TEX11: variants seen among roughly 807,000 people sequenced by gnomAD.
TEX11 encodes the protein testis expressed 11, also known as testis-expressed protein 11.
In TEX11, 7 loss-of-function variants were observed where a neutral mutation model predicts 84.4. The ratio of observed to expected loss-of-function variants is 0.08; its 90% CI spans 0.05 to 0.16. The LOEUF (loss-of-function observed/expected upper bound fraction) is 0.16. Ranked by LOEUF, TEX11 falls within the 10% of genes least tolerant of loss-of-function variation. The pLI is 1.00. For synonymous variants in TEX11, 264 were observed against 222.8 expected (o/e 1.18, Z -1.64); for missense variants, 551 against 660.5 (o/e 0.83, Z 1.82).
chrX:70,719,963 A>G (rs1165096197), intron 13 of TEX11, among the ~76,000 whole-genome samples: 55 of 111,590 alleles, frequency 4.9e-4, no homozygotes, highest in Middle Eastern at 4.6e-3. Context: ...ACAGTGTGGC[A>G]ATTCCTCAAG....
downstream of TEX11, among the ~76,000 whole-genome samples, chrX:70,528,617 C>T (rs779134648): frequency 5.6e-4 from 62 of 110,532 alleles, no homozygotes; most frequent in African/African-American, 1.9e-3. Flanking sequence ...CAAGCCACTA[C>T]GCCTGGCCTG....
At position 70,901,187 on chromosome X, in the gene TEX11, C is replaced by CTAAA. The variant is rs763715083; in HGVS notation, c.37+6562_37+6565dup. 1.6e-3 allele frequency among the ~76,000 whole-genome samples: 175 copies of CTAAA among 110,545 alleles called. 1 individual carries two copies. Among genetic ancestry groups the CTAAA allele is most frequent in the Non-Finnish European group, 2.5e-3 (132 of 52,863 alleles). ...GCCTGGCAATAGAGTGAGACCTTGT[C>CTAAA]TAAATAAATAAATAAATACTTAAAA... On this transcript the variant is annotated intron_variant, in intron 2 of 29. Coordinates refer to ENST00000374333, the MANE Select transcript of TEX11 (RefSeq NM_031276.3).
chrX:70,719,385 C>T (rs889714331), intron 13 of TEX11, among the ~76,000 whole-genome samples: 8 of 111,923 alleles, frequency 7.1e-5, no homozygotes, highest in Admixed American at 3.8e-4. Flanking sequence ...GACACAGGCA[C>T]TATGTTCAAA....
intron 13 of TEX11, among the ~76,000 whole-genome samples, chrX:70,707,584 TATACC>T (rs920983438): frequency 9.0e-6 from 1 of 111,354 alleles, no homozygotes; most frequent in African/African-American, 3.3e-5. Context: ...TGTTTTTGCC[TATACC>T]ATACATTTCT....
chrX:70,765,887 A>G (rs1181923559), intron 9 of TEX11, among the ~76,000 whole-genome samples: 3 of 112,432 alleles, frequency 2.7e-5, no homozygotes, highest in Non-Finnish European at 1.9e-5. Flanking sequence ...GGAAAAACCT[A>G]AAGACTACAC....
chrX:70,690,065 A>G (rs1404623530), intron 13 of TEX11, among the ~76,000 whole-genome samples: 1 of 111,807 alleles, frequency 8.9e-6, no homozygotes, highest in African/African-American at 3.2e-5. Flanking sequence ...AAAATACTTG[A>G]TGGGTAGTCT....
Position 70,647,673 on chromosome X carries a change from TA to T in TEX11, c.1483+3776del, listed in dbSNP as rs1161069642. ...AGAGTAAGACCTTGCTTCAAAAAAA[TA>T]AAAAATAAAAAAAGGATGTGAGGTA... is the stretch of plus-strand genomic sequence containing the variant. On this transcript the variant is annotated intron_variant, in intron 17 of 29. Transcript: ENST00000374333. Among the ~76,000 whole-genome samples, 614 of 77,491 alleles carry T rather than the reference TA, an allele frequency of 7.9e-3. 3 individuals are homozygous for T. The highest frequency in any genetic ancestry group is 0.029 in the Middle Eastern group (4 of 140). The allele number at this position is 77,491 out of a possible 115,157, so 67.3% of individuals were successfully genotyped here. A position where few individuals can be genotyped will look rare whatever the true frequency, so the allele number is the denominator to read the frequency against.
At chrX:70,576,276 C>A (rs771359764) in intron 25 of TEX11, among the ~76,000 whole-genome samples, 1 of 111,913 alleles carries the variant, frequency 8.9e-6, no homozygotes, top group Non-Finnish European at 1.9e-5. Context: ...TTATGATTCA[C>A]TGGCTTTGTA....
rs1317772856 is a variant in TEX11, at chrX:70,629,003, A to G, written c.1608+608T>C. On this transcript the variant is annotated intron_variant, in intron 18 of 29. Transcript: ENST00000374333. ...TTTTCAGCCATCTTAATCGATTTTCATAACAATCCTGGAGGTAGGCATTAT... is the reference window on the plus strand; with the variant it reads ...TTTTCAGCCATCTTAATCGATTTTCGTAACAATCCTGGAGGTAGGCATTAT... Among the ~76,000 whole-genome samples, 6 of 112,333 alleles carry G rather than the reference A, an allele frequency of 5.3e-5. 1 individual carries two copies. The highest frequency in any genetic ancestry group is 1.1e-4 in the Non-Finnish European group (6 of 53,251).
chrX:70,767,209 T>C (rs766579866), intron 9 of TEX11, among the ~76,000 whole-genome samples: 1 of 111,380 alleles, frequency 9.0e-6, no homozygotes, highest in East Asian at 2.8e-4. Context: ...TGTGTGCAAA[T>C]TACCCATCTA....
At chrX:70,617,434 C>T (rs924725186) in intron 20 of TEX11, among the ~76,000 whole-genome samples, 5 of 104,879 alleles carry the variant, frequency 4.8e-5, no homozygotes, top group Non-Finnish European at 9.7e-5. Context: ...ATATATAATA[C>T]ATATATACAC....
intron 24 of TEX11, among the ~76,000 whole-genome samples, chrX:70,597,184 A>G (rs1005084150): frequency 1.2e-4 from 14 of 112,168 alleles, no homozygotes; most frequent in African/African-American, 4.5e-4. Context: ...TTCCATGTTC[A>G]TGAATCAGAG....
At chrX:70,790,950 T>C (rs896447443) in intron 9 of TEX11, among the ~76,000 whole-genome samples, 2 of 112,504 alleles carry the variant, frequency 1.8e-5, no homozygotes, top group African/African-American at 6.5e-5. Context: ...GTCTTTTTTT[T>C]ATTATTATAC....
intron 10 of TEX11, among the ~76,000 whole-genome samples, chrX:70,743,885 C>A (rs2090750338): frequency 9.3e-6 from 1 of 107,068 alleles, no homozygotes; most frequent in Admixed American, 1.0e-4. Flanking sequence ...CACACACACA[C>A]ACACACACAC....
intron 10 of TEX11, among the ~76,000 whole-genome samples, chrX:70,742,263 T>A (rs2090738085): frequency 9.1e-6 from 1 of 110,007 alleles, no homozygotes; most frequent in Non-Finnish European, 1.9e-5. Flanking sequence ...TTCAATATTA[T>A]AGGTGAGAAC....
At chrX:70,579,385 C>T (rs1168153905) in intron 25 of TEX11, among the ~76,000 whole-genome samples, 2 of 106,826 alleles carry the variant, frequency 1.9e-5, no homozygotes, top group Non-Finnish European at 3.9e-5. Flanking sequence ...GTCCCAGCTA[C>T]TCGGGAGGCT....
At chrX:70,592,830 G>A (rs1237584067) in intron 24 of TEX11, among the ~76,000 whole-genome samples, 1 of 111,134 alleles carries the variant, frequency 9.0e-6, no homozygotes, top group Admixed American at 9.6e-5. Context: ...AACAGAGCGT[G>A]GGGAAGTTCA....
At chrX:70,601,894 C>T (rs369853222) in intron 24 of TEX11, among the ~76,000 whole-genome samples, 15 of 108,169 alleles carry the variant, frequency 1.4e-4, no homozygotes, top group Non-Finnish European at 2.1e-4. Context: ...AGAAGAATTT[C>T]TCTTAGTACA....
intron 9 of TEX11, among the ~76,000 whole-genome samples, chrX:70,782,782 T>C (rs1434910135): frequency 9.1e-6 from 1 of 109,712 alleles, no homozygotes; most frequent in Non-Finnish European, 1.9e-5. Flanking sequence ...AAGAGCTAAC[T>C]ATCTTAAATA....
Sources: gnomAD v4.1 joint callset for allele counts (sites outside exome capture counted in the v4.1 genomes callset) on GRCh38, gnomAD v4.1.1 for gene constraint, MANE v1.5 for transcripts, NCBI Gene and HGNC (gene_info 2026-07-23, HGNC 2026-07-21) for gene names.